The following LRRC3 variants were observed in gnomAD, a reference collection of about 807,000 sequenced individuals.
The protein encoded by LRRC3 is leucine rich repeat containing 3, also known as leucine-rich repeat-containing protein 3.
For missense variants in LRRC3, 351 were observed against 361.6 expected (o/e 0.97, Z 0.24); for synonymous variants, 172 against 164.1 (o/e 1.05, Z -0.37).
In LRRC3 at chr21:44,458,491, G is replaced by A. The variant is rs928425332; in HGVS notation, c.*1073G>A. 3 of 167,044 alleles carry A rather than the reference G, an allele frequency of 1.8e-5. No homozygotes were observed. The highest frequency in any genetic ancestry group is 4.4e-5 in the Non-Finnish European group (3 of 68,158). The allele number at this position is 167,044 out of a possible 1,614,324, so 10.3% of individuals were successfully genotyped here. ...GTGCCTTGCTTTTTCTACTCACTAA[G>A]ATATAAAACAGCTCTTTTTCCAAGG... On this transcript the variant is annotated 3_prime_UTR_variant, in exon 2 of 2. Coordinates refer to ENST00000291592, the MANE Select transcript of LRRC3 (RefSeq NM_030891.6).
chr21:44,455,640 G>GGAC lies in LRRC3; in HGVS notation c.-162_-161insACG, dbSNP rs1250658770. 2 of 151,612 alleles carry GGAC rather than the reference G, an allele frequency of 1.3e-5. No individual in the cohort carries two copies. The highest frequency in any genetic ancestry group is 3.9e-4 in the East Asian group (2 of 5,070). 9.4% of individuals were successfully genotyped at this position (151,612 alleles called of 1,614,324 possible). A position where few individuals can be genotyped will look rare whatever the true frequency, so the allele number is the denominator to read the frequency against. On this transcript the variant is annotated 5_prime_UTR_variant, in exon 1 of 2. Coordinates refer to ENST00000291592, the MANE Select transcript of LRRC3 (RefSeq NM_030891.6). ...GGGAGCGGCGCGCAGAGCAGCCTCC[G>GGAC]GCCGCCGCCGCGCAGGTAAAGCCCC...
Position 44,456,708 on chromosome 21 carries a change from T to TTCC in LRRC3, c.70_72dup (p.Leu24dup). 2 of 1,609,722 alleles carry TTCC rather than the reference T, an allele frequency of 1.2e-6. No homozygotes were observed. Among genetic ancestry groups the TTCC allele is most frequent in the South Asian group, 2.2e-5 (2 of 91,044 alleles). ...GGTCTCCACCCGGGAGTCTTGTCTCTTCCTCCTCTTCTGCCTGCACCTGGG... is the reference window on the plus strand; with the variant it reads ...GGTCTCCACCCGGGAGTCTTGTCTCTTCCTCCTCCTCTTCTGCCTGCACCTGGG... On this transcript the variant is annotated inframe_insertion, in exon 2 of 2. Transcript: ENST00000291592.
At position 44,456,584 on chromosome 21, in the gene LRRC3, C is replaced by G; in HGVS notation, c.-61C>G. On this transcript the variant is annotated 5_prime_UTR_variant, in exon 2 of 2. Coordinates refer to ENST00000291592, the MANE Select transcript of LRRC3 (RefSeq NM_030891.6). ...TTGGATAAGGCCTTGCCTGCGGAAA[C>G]CAGCTCCATCCCCAGGCCCTAGCAG... The G allele has an allele frequency of 1.3e-6, 2 of 1,505,772 alleles. No individual in the cohort carries two copies. Among genetic ancestry groups the G allele is most frequent in the Non-Finnish European group, 1.8e-6 (2 of 1,126,374 alleles). 93.3% of individuals were successfully genotyped at this position (1,505,772 alleles called of 1,614,324 possible). A position where few individuals can be genotyped will look rare whatever the true frequency, so the allele number is the denominator to read the frequency against.
chr21:44,456,707 C>G lies in LRRC3; in HGVS notation c.63C>G (p.Leu21=). The G allele has an allele frequency of 6.2e-7, 1 of 1,609,688 alleles. No individual in the cohort carries two copies. The highest frequency in any genetic ancestry group is 8.5e-7 in the Non-Finnish European group (1 of 1,179,732). Residue 21 remains leucine (L), a synonymous_variant, in exon 2 of 2, where the codon CTC becomes CTG. Coordinates refer to ENST00000291592, the MANE Select transcript of LRRC3 (RefSeq NM_030891.6). ...LLLVSTRESC[L]FLLFCLHLGA... is the part of the protein sequence containing the mutation. ...TGGTCTCCACCCGGGAGTCTTGTCT[C>G]TTCCTCCTCTTCTGCCTGCACCTGG...
rs9306104 is a variant in LRRC3, at chr21:44,461,411, T to C, written c.*3993T>C. The C allele has an allele frequency of 0.87, 132,282 of 152,422 alleles. 57,710 individuals carry two copies. Among genetic ancestry groups the C allele is most frequent in the African/African-American group, 0.95 (39,662 of 41,566 alleles). 9.4% of individuals were successfully genotyped at this position (152,422 alleles called of 1,614,324 possible). On this transcript the variant is annotated 3_prime_UTR_variant, in exon 2 of 2. Transcript: ENST00000291592. ...CCCCGGCCTCCTCTGCAGGGGCTGC[T>C]GGCAGGAGGGGAACCGGGGACCACC...
chr21:44,456,274 G>A (rs2051698746), intron 1 of LRRC3, among the ~76,000 whole-genome samples: 1 of 152,242 alleles, frequency 6.6e-6, no homozygotes, highest in Non-Finnish European at 1.5e-5. Context: ...CCCCCTGGCA[G>A]TGCCAGCTCC....
chr21:44,461,807 C>T lies in LRRC3; in HGVS notation c.*4389C>T, dbSNP rs2051748377. ...GGCAGCAAGGCAAGGAGCCCGGCTT[C>T]TAAGGAACTCTGAGCAGGTGTGGTC... On this transcript the variant is annotated 3_prime_UTR_variant, in exon 2 of 2. Transcript: ENST00000291592. 6.6e-6 allele frequency: 1 copy of T among 152,420 alleles called. No individual in the cohort carries two copies. The allele number at this position is 152,420 out of a possible 1,614,324, so 9.4% of individuals were successfully genotyped here.
In LRRC3 at chr21:44,457,207, C is replaced by T. The variant is rs773528710; in HGVS notation, c.563C>T (p.Ala188Val). The change falls in exon 2 of 2, where the codon GCT becomes GTT. Residue 188 changes from alanine (A) to valine (V), a missense_variant. Physicochemically the swap from Ala to Val is moderately conservative, Grantham distance 64. Coordinates refer to ENST00000291592, the MANE Select transcript of LRRC3 (RefSeq NM_030891.6). ...EEFVGKPLVQALDAGASLCSV... is the reference protein window; with the variant it reads ...EEFVGKPLVQVLDAGASLCSV... Reference sequence around the variant, plus strand: ...TTTGTGGGGAAGCCTCTGGTTCAGGCTCTGGATGCGGGTGCCAGCCTCTGC... The same window carrying T: ...TTTGTGGGGAAGCCTCTGGTTCAGGTTCTGGATGCGGGTGCCAGCCTCTGC... The T allele has an allele frequency of 6.2e-7, 1 of 1,613,916 alleles. No individual in the cohort carries two copies. The highest frequency in any genetic ancestry group is 1.7e-5 in the Admixed American group (1 of 60,014).
In LRRC3 at chr21:44,457,534, G is replaced by A; in HGVS notation, c.*116G>A. On this transcript the variant is annotated 3_prime_UTR_variant, in exon 2 of 2. Transcript: ENST00000291592. ...GTCACAGCCATGTGTGCTCCCCACT[G>A]TTGCACTCAGGCACAGCAGCACCTC... The A allele has an allele frequency of 8.3e-7, 1 of 1,205,184 alleles. No individual in the cohort carries two copies. The highest frequency in any genetic ancestry group is 1.1e-6 in the Non-Finnish European group (1 of 873,958). 74.7% of individuals were successfully genotyped at this position (1,205,184 alleles called of 1,614,324 possible).
At position 44,456,865 on chromosome 21, in the gene LRRC3, A is replaced by G. The variant is rs371913806; in HGVS notation, c.221A>G (p.Asn74Ser). ...ANTVLLKLDANKISHLPDGAF... is the reference protein window; with the variant it reads ...ANTVLLKLDASKISHLPDGAF... The stretch of plus-strand genomic sequence containing the variant: ...ACCGTGCTCCTGAAGCTCGATGCCA[A>G]CAAGATCTCCCACCTCCCGGACGGG... The change falls in exon 2 of 2, where the codon AAC (asparagine) becomes AGC (serine). Residue 74 changes from asparagine (N) to serine (S), a missense_variant. Asn to Ser is a conservative substitution (Grantham distance 46). Coordinates refer to ENST00000291592, the MANE Select transcript of LRRC3 (RefSeq NM_030891.6). The G allele has an allele frequency of 6.2e-6, 10 of 1,610,104 alleles. No homozygotes were observed. The African/African-American group carries it at 6.7e-5, about 11-fold the overall frequency.
At position 44,456,980 on chromosome 21, in the gene LRRC3, C is replaced by CG; in HGVS notation, c.341dup (p.Leu115ProfsTer160). Reference sequence around the variant, plus strand: ...GCTCCGCCACCTTCGCGGGCCTGGCCGGGGGCCTGCGGCTGCTGGACCTGT... The same window carrying CG: ...GCTCCGCCACCTTCGCGGGCCTGGCCGGGGGGCCTGCGGCTGCTGGACCTGT... On this transcript the variant is annotated frameshift_variant, in exon 2 of 2. Transcript: ENST00000291592. LOFTEE classifies it low-confidence loss of function (END_TRUNC). 1 of 1,606,908 alleles carries CG rather than the reference C, an allele frequency of 6.2e-7. No individual in the cohort carries two copies. Among genetic ancestry groups the CG allele is most frequent in the Non-Finnish European group, 8.5e-7 (1 of 1,179,860 alleles).
rs200510006 is a variant in LRRC3, at chr21:44,457,404, G to A, written c.760G>A (p.Gly254Ser). 504 of 1,585,540 alleles carry A rather than the reference G, an allele frequency of 3.2e-4. No individual in the cohort carries two copies. Among genetic ancestry groups the A allele is most frequent in the Non-Finnish European group, 4.1e-4 (475 of 1,161,288 alleles). Reference protein sequence around the residue: ...PSAPASKDPIGPGP With the variant: ...PSAPASKDPISPGP ...CGCCCCCGCCTCCAAGGACCCCATC[G>A]GCCCGGGGCCCTAGCGCCTGTTCCG... The change falls in exon 2 of 2, where the codon GGC becomes AGC. Residue 254 changes from glycine to serine, a missense_variant. Physicochemically the swap from Gly to Ser is moderately conservative, Grantham distance 56. Transcript: ENST00000291592.
Position 44,457,439 on chromosome 21 carries a change from C to T in LRRC3, c.*21C>T, listed in dbSNP as rs369421218. On this transcript the variant is annotated 3_prime_UTR_variant, in exon 2 of 2. Transcript: ENST00000291592. ...CCTAGCGCCTGTTCCGGCAGACCCCCGCCGGTGGCTGCTGTCACTTTTGTA... is the reference window on the plus strand; with the variant it reads ...CCTAGCGCCTGTTCCGGCAGACCCCTGCCGGTGGCTGCTGTCACTTTTGTA... 18 of 1,546,156 alleles carry T rather than the reference C, an allele frequency of 1.2e-5. No homozygotes were observed. Among genetic ancestry groups the T allele is most frequent in the East Asian group, 4.5e-5 (2 of 44,082 alleles).
Position 44,456,557 on chromosome 21 carries a change from G to C in LRRC3, c.-88G>C. 1.4e-6 allele frequency: 2 copies of C among 1,392,016 alleles called. No homozygotes were observed. The highest frequency in any genetic ancestry group is 1.9e-6 in the Non-Finnish European group (2 of 1,031,188). The allele number at this position is 1,392,016 out of a possible 1,614,324, so 86.2% of individuals were successfully genotyped here. A position where few individuals can be genotyped will look rare whatever the true frequency, so the allele number is the denominator to read the frequency against. On this transcript the variant is annotated 5_prime_UTR_variant, in exon 2 of 2. Transcript: ENST00000291592. The stretch of plus-strand genomic sequence containing the variant: ...GGGGCAGGATGGCGGTTTCATGTCT[G>C]GTTGGATAAGGCCTTGCCTGCGGAA...
Position 44,459,644 on chromosome 21 carries a change from C to T in LRRC3, c.*2226C>T, listed in dbSNP as rs969262828. 2.2e-4 allele frequency: 34 copies of T among 152,954 alleles called. No homozygotes were observed. The highest frequency in any genetic ancestry group is 1.8e-4 in the Non-Finnish European group (12 of 68,560). 9.5% of individuals were successfully genotyped at this position (152,954 alleles called of 1,614,324 possible). On this transcript the variant is annotated 3_prime_UTR_variant, in exon 2 of 2. Transcript: ENST00000291592. ...CTGTGGGTGCCAGCCAGTCCCATCT[C>T]GCATTTTGGGGTGCCCTTTCCCTGC...
chr21:44,458,228 A>T lies in LRRC3; in HGVS notation c.*810A>T, dbSNP rs2051721141. On this transcript the variant is annotated 3_prime_UTR_variant, in exon 2 of 2. Coordinates refer to ENST00000291592, the MANE Select transcript of LRRC3 (RefSeq NM_030891.6). Reference sequence around the variant, plus strand: ...ATGCGGGAGGCCCTGCCCCAGGGCGATCTCAGCTCACTGCAACCTTTGCCT... The same window carrying T: ...ATGCGGGAGGCCCTGCCCCAGGGCGTTCTCAGCTCACTGCAACCTTTGCCT... 6.4e-6 allele frequency: 1 copy of T among 155,854 alleles called. No homozygotes were observed. Among genetic ancestry groups the T allele is most frequent in the Non-Finnish European group, 1.5e-5 (1 of 68,084 alleles). The allele number at this position is 155,854 out of a possible 1,614,324, so 9.7% of individuals were successfully genotyped here.
rs1423819631 is a variant in LRRC3, at chr21:44,456,798, T to C, written c.154T>C (p.Leu52=). The C allele has an allele frequency of 6.2e-7, 1 of 1,611,764 alleles. No individual in the cohort carries two copies. The highest frequency in any genetic ancestry group is 8.5e-7 in the Non-Finnish European group (1 of 1,179,842). Residue 52 remains leucine (L), a synonymous_variant, in exon 2 of 2, where the codon TTG becomes CTG. Transcript: ENST00000291592. The stretch of plus-strand genomic sequence containing the variant: ...AGGGGCTGTGGCTGTCTTCTGCAGC[T>C]TGCGGGGCCTTCAGGAGGTCCCCGA... The part of the protein sequence containing the change: ...HAGAVAVFCS[L]RGLQEVPEDI...
rs528601581 is a variant in LRRC3, at chr21:44,461,072, C to G, written c.*3654C>G. ...ATGCCTGCCCAGAGGCTTCCTTGTG[C>G]GGGGTGGGGTCCAGCAGTGGGGGAT... On this transcript the variant is annotated 3_prime_UTR_variant, in exon 2 of 2. Transcript: ENST00000291592. The G allele has an allele frequency of 6.6e-6, 1 of 152,528 alleles. No individual in the cohort carries two copies. The highest frequency in any genetic ancestry group is 6.5e-5 in the Admixed American group (1 of 15,290). The allele number at this position is 152,528 out of a possible 1,614,324, so 9.4% of individuals were successfully genotyped here.
rs1412099203 is a variant in LRRC3 at position 44,457,095 on chromosome 21, T to C, written c.451T>C (p.Cys151Arg). 4.3e-6 allele frequency: 7 copies of C among 1,610,936 alleles called. No homozygotes were observed. The highest frequency in any genetic ancestry group is 5.9e-6 in the Non-Finnish European group (7 of 1,179,966). Residue 151 changes from cysteine (C) to arginine (R), a missense_variant, in exon 2 of 2, where the codon TGC becomes CGC. By Grantham distance (180) the Cys-to-Arg change is radical. Coordinates refer to ENST00000291592, the MANE Select transcript of LRRC3 (RefSeq NM_030891.6). ...RLSHNPLHCE[C>R]ALQEALWELK... Reference sequence around the variant, plus strand: ...GTCCCACAACCCCCTGCACTGCGAGTGCGCCCTGCAGGAGGCCCTGTGGGA... The same window carrying C: ...GTCCCACAACCCCCTGCACTGCGAGCGCGCCCTGCAGGAGGCCCTGTGGGA...
Sources: gnomAD v4.1 joint callset for allele counts (sites outside exome capture counted in the v4.1 genomes callset) on GRCh38, gnomAD v4.1.1 for gene constraint, MANE v1.5 for transcripts, NCBI Gene and HGNC (gene_info 2026-07-23, HGNC 2026-07-21) for gene names.